NEBL: variants seen among roughly 807,000 people sequenced by gnomAD.
NEBL encodes the protein nebulette.
Under a neutral mutation model 140.2 loss-of-function variants are expected in NEBL, and 122 were observed. The observed-to-expected ratio is 0.87, with a 90% CI of 0.75 to 1.01. NEBL has a LOEUF of 1.01. NEBL is among the 50% of genes least tolerant of loss of function. The pLI is 0.00. For synonymous variants in NEBL, 436 were observed against 398.9 expected, an observed-to-expected ratio of 1.09 and a Z score of -1.11; for missense variants, 1,365 against 1,231.3, an observed-to-expected ratio of 1.11 and a Z score of -1.62.
chr10:20,932,161 C>A (rs895898890), intron 4 of NEBL, among the ~76,000 whole-genome samples: 2 of 152,144 alleles, frequency 1.3e-5, no homozygotes, highest in African/African-American at 4.8e-5. Flanking sequence ...TAGTCCAAAC[C>A]ACCATATCGT....
intron 2 of NEBL, chr10:21,030,850 G>A (rs1272788945): frequency 9.2e-6 from 3 of 327,228 alleles, no homozygotes; most frequent in Non-Finnish European, 1.8e-5. Context: ...TGCAGGGGTG[G>A]TATTCAAACC....
chr10:20,906,934 C>T (rs1322097119), intron 4 of NEBL, among the ~76,000 whole-genome samples: 3 of 152,012 alleles, frequency 2.0e-5, no homozygotes, highest in Non-Finnish European at 2.9e-5. Flanking sequence ...TACAATGAGA[C>T]ATGTTATATT....
chr10:21,236,886 G>C (rs1363445008), intron 3 of NEBL, among the ~76,000 whole-genome samples: 2 of 152,024 alleles, frequency 1.3e-5, no homozygotes, highest in African/African-American at 2.4e-5. Flanking sequence ...AAATAAATTA[G>C]TTCTCATAAC....
chr10:21,154,458 C>CA (rs368260076), intron 2 of NEBL, among the ~76,000 whole-genome samples: 9,224 of 117,640 alleles, frequency 0.078, 986 homozygotes, highest in African/African-American at 0.22. Context: ...GACTCTGCTT[C>CA]AAAAAAAAAA....
intron 2 of NEBL, among the ~76,000 whole-genome samples, chr10:21,023,663 C>T (rs1256342847): frequency 6.6e-6 from 1 of 151,528 alleles, no homozygotes. Context: ...CCACTGCACT[C>T]CAGCCTGGGA....
At chr10:20,813,720 TAA>T (rs968668898) in intron 23 of NEBL, 2 of 547,420 alleles carry the variant, frequency 3.7e-6, no homozygotes, top group Non-Finnish European at 6.6e-6. Context: ...ACGTTAGAAA[TAA>T]AGACACACCA....
At chr10:20,853,264 T>C (rs949535298) in intron 9 of NEBL, among the ~76,000 whole-genome samples, 2 of 152,036 alleles carry the variant, frequency 1.3e-5, no homozygotes, top group Middle Eastern at 3.4e-3. Context: ...GGTGAAAAAA[T>C]TGGATGAAGG....
chr10:21,261,491 C>T (rs892606775), intron 1 of NEBL, among the ~76,000 whole-genome samples: 1 of 151,946 alleles, frequency 6.6e-6, no homozygotes, highest in African/African-American at 2.4e-5. Flanking sequence ...GAGGCACTAT[C>T]CCTACAAACA....
Position 21,086,731 on chromosome 10 carries a change from C to T in NEBL, c.165-66530G>A, listed in dbSNP as rs368640272. Among the ~76,000 whole-genome samples the T allele has an allele frequency of 3.3e-4, 50 of 152,230 alleles. 1 individual carries two copies. The South Asian group carries it at 1.0e-2, about 30-fold the overall frequency. On this transcript the variant is annotated intron_variant, in intron 2 of 6. Transcript: ENST00000417816. ...GGTGGAGGTTGCAGTGAGCCATGAT[C>T]GTGCCACTGCACTCCAGCCTAGGTG...
At chr10:20,829,909 C>G (rs1405956783) in intron 16 of NEBL, among the ~76,000 whole-genome samples, 2 of 152,160 alleles carry the variant, frequency 1.3e-5, no homozygotes, top group Non-Finnish European at 2.9e-5. Context: ...AATGGGTGCT[C>G]AGGAGGTATT....
intron 3 of NEBL, among the ~76,000 whole-genome samples, chr10:21,228,178 G>C (rs527530665): frequency 6.6e-6 from 1 of 151,864 alleles, no homozygotes; most frequent in Non-Finnish European, 1.5e-5. Flanking sequence ...TTTTTAAACA[G>C]GATCTCACTG....
At chr10:21,076,916 G>A (rs1317571405) in intron 2 of NEBL, among the ~76,000 whole-genome samples, 2 of 152,136 alleles carry the variant, frequency 1.3e-5, no homozygotes, top group African/African-American at 2.4e-5. Flanking sequence ...GGGGAAATGG[G>A]GGGTTAGTGT....
chr10:20,943,233 T>C (rs1420331965), intron 4 of NEBL, among the ~76,000 whole-genome samples: 7 of 152,198 alleles, frequency 4.6e-5, no homozygotes, highest in African/African-American at 1.7e-4. Context: ...ATGTGGCACA[T>C]ATACACCATG....
At chr10:20,882,869 G>A (rs983708749) in intron 4 of NEBL, among the ~76,000 whole-genome samples, 3 of 152,090 alleles carry the variant, frequency 2.0e-5, no homozygotes, top group Non-Finnish European at 4.4e-5. Context: ...AATTTTGAAA[G>A]TTCAGATTAA....
chr10:21,030,593 GA>G, intron 2 of NEBL: 3 of 626,818 alleles, frequency 4.8e-6, no homozygotes, highest in Non-Finnish European at 9.0e-6. Context: ...AGTGGTGGGG[GA>G]AAAGTAACTC....
intron 2 of NEBL, among the ~76,000 whole-genome samples, chr10:21,027,325 TG>T (rs1197035883): frequency 5.2e-5 from 6 of 115,136 alleles, no homozygotes; most frequent in Admixed American, 2.5e-4. Flanking sequence ...CAACTTTTTT[TG>T]TTTTTTTTTT....
At chr10:20,926,044 C>T (rs1589023358) in intron 4 of NEBL, among the ~76,000 whole-genome samples, 2 of 152,278 alleles carry the variant, frequency 1.3e-5, no homozygotes, top group Admixed American at 6.5e-5. Context: ...CAGAAAAGAA[C>T]ATTTTGTTTA....
intron 2 of NEBL, among the ~76,000 whole-genome samples, chr10:21,034,994 GACAGAGTCTC>G (rs1403794704): frequency 1.3e-5 from 2 of 150,060 alleles, no homozygotes; most frequent in Admixed American, 1.3e-4. Flanking sequence ...TTATTTTTGA[GACAGAGTCTC>G]ACTCCATTGC....
In NEBL at chr10:21,275,807, A is replaced by ATTT. The variant is rs959684198; in HGVS notation, n.182+17020_182+17022dup. ...AGGCAAGTGCCACCACACCCAGCTA[A>ATTT]TTTTTTTTTTTTTTTTTTTTTTGTA... On this transcript the variant is annotated intron_variant and non_coding_transcript_variant, in intron 1 of 8. Transcript: ENST00000675702. Among the ~76,000 whole-genome samples the ATTT allele has an allele frequency of 1.8e-4, 21 of 113,772 alleles. 1 individual carries two copies. The highest frequency in any genetic ancestry group is 1.2e-3 in the East Asian group (5 of 4,080). 74.6% of individuals were successfully genotyped at this position (113,772 alleles called of 152,430 possible).
Sources: gnomAD v4.1 joint callset for allele counts (sites outside exome capture counted in the v4.1 genomes callset) on GRCh38, gnomAD v4.1.1 for gene constraint, MANE v1.5 for transcripts, NCBI Gene and HGNC (gene_info 2026-07-23, HGNC 2026-07-21) for gene names.